CGN: variants seen among roughly 807,000 people sequenced by gnomAD.
CGN encodes cingulin.
In CGN, 121 loss-of-function variants were observed where a neutral mutation model predicts 157.1. That is an observed-to-expected ratio of 0.77 (90% CI 0.66 to 0.90). CGN has a LOEUF of 0.90. Among genes scored for constraint, CGN ranks in the 40% least tolerant of loss-of-function variants. The probability of loss-of-function intolerance (pLI) is 0.00; values close to 1 mark genes in which losing one functional copy is unlikely to be tolerated. For synonymous variants in CGN, 535 were observed against 607.5 expected, an observed-to-expected ratio of 0.88 and a Z score of 1.76; for missense variants, 1,424 against 1,520.9, an observed-to-expected ratio of 0.94 and a Z score of 1.06.
In CGN at chr1:151,519,281, C is replaced by T. The variant is rs777933169; in HGVS notation, c.762C>T (p.Ser254=). 2 of 1,613,978 alleles carry T rather than the reference C, an allele frequency of 1.2e-6. No homozygotes were observed. Among genetic ancestry groups the T allele is most frequent in the Admixed American group, 3.3e-5 (2 of 60,026 alleles). The change falls in exon 2 of 21, where the codon AGC becomes AGT. Residue 254 remains serine, a synonymous_variant. Transcript: ENST00000271636. The part of the protein sequence containing the change: ...HVGTSKQPAQ[S]QNLSPLSGFS... ...GCACTTCGAAGCAGCCAGCCCAGAG[C>T]CAGAACCTGAGTCCTCTCAGTGGCT... is the stretch of plus-strand genomic sequence containing the variant.
At chr1:151,514,730 A>G (rs781168387) in intron 1 of CGN, among the ~76,000 whole-genome samples, 10 of 152,124 alleles carry the variant, frequency 6.6e-5, no homozygotes, top group Admixed American at 1.3e-4. Flanking sequence ...CTGAAGGACA[A>G]CTATAGAGCG....
intron 1 of CGN, among the ~76,000 whole-genome samples, chr1:151,517,190 A>G (rs1483749115): frequency 6.6e-6 from 1 of 152,100 alleles, no homozygotes; most frequent in African/African-American, 2.4e-5. Flanking sequence ...TGAATAGATA[A>G]TACATCTACG....
intron 1 of CGN, among the ~76,000 whole-genome samples, chr1:151,512,894 ATTCCCC>A (rs1229655488): frequency 6.6e-6 from 1 of 152,148 alleles, no homozygotes; most frequent in Non-Finnish European, 1.5e-5. Flanking sequence ...CCTGCATGCC[ATTCCCC>A]TTGTGGGAGG....
At chr1:151,510,395 T>C (rs1557983261), upstream of CGN, 1 of 152,222 alleles carries the variant, frequency 6.6e-6, no homozygotes, top group Non-Finnish European at 1.5e-5. Flanking sequence ...ATCTCTTTTT[T>C]ACATATCTCA....
chr1:151,518,346 T>A (rs550579216), intron 1 of CGN, among the ~76,000 whole-genome samples, 160 bp from the exon 2 acceptor site: 1 of 151,950 alleles, frequency 6.6e-6, no homozygotes, highest in Admixed American at 6.6e-5. Context: ...GGAGGTTAGG[T>A]CCAGCAACCG....
chr1:151,517,615 A>C (rs976977442), intron 1 of CGN, among the ~76,000 whole-genome samples: 1 of 151,772 alleles, frequency 6.6e-6, no homozygotes, highest in African/African-American at 2.4e-5. Flanking sequence ...GGTTCAAGCA[A>C]TTCTTCTGCT....
chr1:151,524,567 C>A lies in CGN; in HGVS notation c.1402-107C>A. 1.7e-6 allele frequency: 2 copies of A among 1,167,594 alleles called. No homozygotes were observed. Among genetic ancestry groups the A allele is most frequent in the South Asian group, 1.4e-5 (1 of 71,072 alleles). The allele number at this position is 1,167,594 out of a possible 1,614,324, so 72.3% of individuals were successfully genotyped here. ...CTGGGCTCCAGTACTGGTACTAGAG[C>A]ACCTGGTACTGTGCCTAATACGATA... On this transcript the variant is annotated intron_variant, in intron 7 of 20. Coordinates refer to ENST00000271636, the MANE Select transcript of CGN (RefSeq NM_020770.3). The surrounding 1 kb of genome is among the most constrained non-coding windows in gnomAD (Gnocchi z 4.4).
intron 1 of CGN, among the ~76,000 whole-genome samples, chr1:151,517,135 G>A (rs1243096840): frequency 2.0e-5 from 3 of 151,994 alleles, no homozygotes; most frequent in African/African-American, 4.8e-5. Context: ...TTCAGCCTGG[G>A]CAACAAGAGC....
At position 151,518,179 on chromosome 1, in the gene CGN, C is replaced by T. The variant is rs150083623; in HGVS notation, c.-14-327C>T. On this transcript the variant is annotated intron_variant, in intron 1 of 20. Coordinates refer to ENST00000271636, the MANE Select transcript of CGN (RefSeq NM_020770.3). Reference sequence around the variant, plus strand: ...AAAATCTTTAAACTTTTAACAAAGCCTAGCTCCCCAGGGCTGTATCAGAGG... The same window carrying T: ...AAAATCTTTAAACTTTTAACAAAGCTTAGCTCCCCAGGGCTGTATCAGAGG... Among the ~76,000 whole-genome samples the T allele has an allele frequency of 2.4e-3, 363 of 152,300 alleles. 2 individuals carry two copies. Among genetic ancestry groups the T allele is most frequent in the African/African-American group, 8.5e-3 (352 of 41,558 alleles).
At chr1:151,530,226 TC>T in intron 12 of CGN, 111 bp downstream of exon 12, 1 of 1,192,406 alleles carries the variant, frequency 8.4e-7, no homozygotes, top group Non-Finnish European at 1.2e-6. Flanking sequence ...CTGTTTTGCC[TC>T]CCCAAACCTG....
chr1:151,516,987 C>G (rs1664428932), intron 1 of CGN, among the ~76,000 whole-genome samples: 1 of 151,490 alleles, frequency 6.6e-6, no homozygotes, highest in Admixed American at 6.6e-5. Flanking sequence ...TGGTGAAACC[C>G]CATCTCTACT....
Position 151,530,563 on chromosome 1 carries a change from G to A in CGN, c.2388G>A (p.Arg796=), listed in dbSNP as rs139400555. The change falls in exon 13 of 21, where the codon CGG becomes CGA. Residue 796 remains arginine, a synonymous_variant. Transcript: ENST00000271636. The stretch of plus-strand genomic sequence containing the variant: ...AGGGGAGTCTGGCAGCAGCCAAGCG[G>A]GCACTGGAGGCACGCCTAGAGGAGG... ...EEEGSLAAAK[R]ALEARLEEAQ... is the part of the protein sequence containing the mutation. 1,199 of 1,609,314 alleles carry A rather than the reference G, an allele frequency of 7.5e-4. No homozygotes were observed. The highest frequency in any genetic ancestry group is 9.0e-4 in the Non-Finnish European group (1,058 of 1,178,178).
rs763791249 is a variant in CGN at position 151,524,740 on chromosome 1, C to G, written c.1468C>G (p.Leu490Val). The G allele has an allele frequency of 6.2e-7, 1 of 1,611,548 alleles. No individual in the cohort carries two copies. Among genetic ancestry groups the G allele is most frequent in the Non-Finnish European group, 8.5e-7 (1 of 1,179,604 alleles). Residue 490 changes from leucine to valine, a missense_variant, in exon 8 of 21, where the codon CTG becomes GTG. Leu to Val is a conservative substitution (Grantham distance 32). Around this residue, in one of 3 missense-constraint regions of CGN, gnomAD observed 1,187 missense variants for 1,217.6 expected, o/e 0.97. Coordinates refer to ENST00000271636, the MANE Select transcript of CGN (RefSeq NM_020770.3). This position sits in a 1 kb window ranked among gnomAD's most constrained non-coding sequence, Gnocchi z 4.4. The part of the protein sequence containing the change: ...LEGKQRVEEQ[L>V]RLRERELTAL... ...GGGGAAACAGCGAGTAGAGGAGCAG[C>G]TGAGGCTGCGGGAGCGGGAGTTGAC...
intron 5 of CGN, among the ~76,000 whole-genome samples, chr1:151,521,709 A>C (rs1019123457): frequency 3.9e-5 from 6 of 152,076 alleles, no homozygotes; most frequent in Non-Finnish European, 8.8e-5. Flanking sequence ...ATGGTGGCAC[A>C]TGCCTGTAAT....
At chr1:151,529,767 G>A in intron 11 of CGN, 142 bp from the exon 12 acceptor site, 1 of 834,988 alleles carries the variant, frequency 1.2e-6, no homozygotes, top group Non-Finnish European at 1.9e-6. Context: ...GCGTCTGGCT[G>A]GTGGCAGCTG....
intron 13 of CGN, 94 bp from the exon 14 acceptor site, chr1:151,532,308 C>A (rs1441377510): frequency 3.1e-6 from 3 of 954,894 alleles, no homozygotes; most frequent in Admixed American, 3.0e-5. Context: ...GCTGCCTTGT[C>A]AGGAAGGAGA....
intron 14 of CGN, 36 bp downstream of exon 14, chr1:151,532,608 G>C (rs1353135621): frequency 9.6e-7 from 1 of 1,046,542 alleles, no homozygotes; most frequent in Non-Finnish European, 1.3e-6. Flanking sequence ...GAAGGTCCTT[G>C]CCTCTTTTTT....
Position 151,518,512 on chromosome 1 carries a change from T to C in CGN, c.-8T>C. 6.3e-7 allele frequency: 1 copy of C among 1,595,560 alleles called. No individual in the cohort carries two copies. The highest frequency in any genetic ancestry group is 1.7e-4 in the Middle Eastern group (1 of 5,972). On this transcript the variant is annotated 5_prime_UTR_variant, in exon 2 of 21. Coordinates refer to ENST00000271636, the MANE Select transcript of CGN (RefSeq NM_020770.3). ...TCATTTCTTCATCTTCTAGGACTCC[T>C]CCTATTTATGGAGCAGGCACCCAAC...
intron 12 of CGN, 42 bp from the exon 13 acceptor site, chr1:151,530,447 T>G: frequency 1.3e-6 from 2 of 1,511,786 alleles, no homozygotes; most frequent in Non-Finnish European, 1.8e-6. Context: ...TGAACCCAAG[T>G]TTTACCTTTT....
Sources: allele counts gnomAD v4.1 joint callset (sites outside exome capture counted in the v4.1 genomes callset), GRCh38; gene constraint gnomAD v4.1.1; regional missense constraint gnomAD v4.1.1; non-coding constraint Gnocchi (gnomAD v3.1); transcripts MANE v1.5; gene names NCBI Gene and HGNC (gene_info 2026-07-23, HGNC 2026-07-21).